The following MAN1A1 variants were observed in gnomAD, a reference collection of about 807,000 sequenced individuals.
MAN1A1 encodes the protein mannosyl-oligosaccharide 1,2-alpha-mannosidase IA.
MAN1A1 carries 29 observed loss-of-function variants against 70.8 expected under a neutral mutation model. That is an observed-to-expected ratio of 0.41 (90% confidence interval 0.31 to 0.56). The LOEUF (loss-of-function observed/expected upper bound fraction) is 0.56, where lower values mean the gene tolerates loss of function less well. MAN1A1 is among the 20% of genes least tolerant of loss of function. MAN1A1 has a pLI of 0.29. For missense variants in MAN1A1, 747 were observed against 841.3 expected, an observed-to-expected ratio of 0.89 and a Z score of 1.39; for synonymous variants, 349 against 330.1, an observed-to-expected ratio of 1.06 and a Z score of -0.62.
At chr6:119,254,598 G>A (rs1775411438) in intron 5 of MAN1A1, among the ~76,000 whole-genome samples, 1 of 152,134 alleles carries the variant, frequency 6.6e-6, no homozygotes, top group African/African-American at 2.4e-5. Flanking sequence ...AAGAGAGTCA[G>A]GTGAAAAATT....
At chr6:119,190,196 G>GT (rs1263299584) in intron 9 of MAN1A1, among the ~76,000 whole-genome samples, 1 of 152,228 alleles carries the variant, frequency 6.6e-6, no homozygotes, top group African/African-American at 2.4e-5. Flanking sequence ...CTGTGCAGCA[G>GT]TAATAGTTGG....
chr6:119,247,935 A>AAAAG (rs1160705585), intron 6 of MAN1A1, among the ~76,000 whole-genome samples: 2 of 152,244 alleles, frequency 1.3e-5, no homozygotes, highest in Non-Finnish European at 2.9e-5. Flanking sequence ...TGCTTTGATG[A>AAAAG]CAATTAAAAG....
intron 11 of MAN1A1, among the ~76,000 whole-genome samples, chr6:119,184,614 T>C: frequency 6.6e-6 from 1 of 151,944 alleles, no homozygotes. Context: ...AGTCACTTCC[T>C]GAGAGTCGAA....
chr6:119,187,694 T>G (rs1347039284), intron 11 of MAN1A1, among the ~76,000 whole-genome samples: 1 of 152,210 alleles, frequency 6.6e-6, no homozygotes, highest in African/African-American at 2.4e-5. Flanking sequence ...TCTTATCCCC[T>G]GAATTCCCTC....
At chr6:119,183,181 G>A (rs1465908636) in intron 11 of MAN1A1, among the ~76,000 whole-genome samples, 2 of 152,158 alleles carry the variant, frequency 1.3e-5, no homozygotes, top group Non-Finnish European at 2.9e-5. Context: ...ATGAGGAGAA[G>A]CATTTAATTA....
chr6:119,326,401 T>C (rs1412002111), intron 2 of MAN1A1, among the ~76,000 whole-genome samples: 1 of 152,192 alleles, frequency 6.6e-6, no homozygotes, highest in South Asian at 2.1e-4. Flanking sequence ...CAGACAATAG[T>C]GGTCCAGAAC....
intron 5 of MAN1A1, among the ~76,000 whole-genome samples, chr6:119,289,169 T>C (rs1344274285): frequency 6.6e-6 from 1 of 151,914 alleles, no homozygotes; most frequent in African/African-American, 2.4e-5. Context: ...AAACATGATG[T>C]ATATTTAGAA....
intron 6 of MAN1A1, among the ~76,000 whole-genome samples, chr6:119,206,257 A>G (rs1582695646): frequency 6.6e-6 from 1 of 152,294 alleles, no homozygotes; most frequent in Admixed American, 6.5e-5. Flanking sequence ...GGCTTGTGGA[A>G]TTCTTGCTTT....
rs545574168 is a variant in MAN1A1, at chr6:119,305,633, T to C, written c.700+1263A>G. On this transcript the variant is annotated intron_variant, in intron 3 of 12. Transcript: ENST00000368468. ...TACTTTTCCCAGCTCTTTCTACCTGTTCTTGCAAACCCTGCAATGCCTTTC... is the reference window on the plus strand; with the variant it reads ...TACTTTTCCCAGCTCTTTCTACCTGCTCTTGCAAACCCTGCAATGCCTTTC... Among the ~76,000 whole-genome samples, 165 of 152,288 alleles carry C rather than the reference T, an allele frequency of 1.1e-3. 3 individuals carry two copies. The highest frequency in any genetic ancestry group is 3.7e-3 in the African/African-American group (152 of 41,564).
intron 5 of MAN1A1, among the ~76,000 whole-genome samples, chr6:119,265,099 TA>T (rs922875705): frequency 3.2e-5 from 3 of 95,164 alleles, no homozygotes; most frequent in Admixed American, 1.0e-4. Context: ...GTGCCTTTTT[TA>T]AATTTTTTTT....
In MAN1A1 at chr6:119,178,167, G is replaced by T. The variant is rs958550152; in HGVS notation, c.*1652C>A. On this transcript the variant is annotated 3_prime_UTR_variant, in exon 13 of 13. Coordinates refer to ENST00000368468, the MANE Select transcript of MAN1A1 (RefSeq NM_005907.4). Reference sequence around the variant, plus strand: ...TATGATATTGAAAAACAGAAAGCAGGTCATAAAGATGGTCCTGTCCGATAA... The same window carrying T: ...TATGATATTGAAAAACAGAAAGCAGTTCATAAAGATGGTCCTGTCCGATAA... 6.6e-6 allele frequency: 1 copy of T among 152,022 alleles called. No individual in the cohort carries two copies. Among genetic ancestry groups the T allele is most frequent in the Admixed American group, 6.6e-5 (1 of 15,256 alleles). The allele number at this position is 152,022 out of a possible 1,614,324, so 9.4% of individuals were successfully genotyped here. A position where few individuals can be genotyped will look rare whatever the true frequency, so the allele number is the denominator to read the frequency against.
At chr6:119,255,413 A>G (rs1775431742) in intron 5 of MAN1A1, among the ~76,000 whole-genome samples, 1 of 152,218 alleles carries the variant, frequency 6.6e-6, no homozygotes, top group Non-Finnish European at 1.5e-5. Flanking sequence ...CAAATAACTA[A>G]ACCCATATAC....
Position 119,349,681 on chromosome 6 carries a change from G to A in MAN1A1, c.-362C>T, listed in dbSNP as rs1367826103. The A allele has an allele frequency of 2.3e-5, 23 of 985,880 alleles. No homozygotes were observed. Among genetic ancestry groups the A allele is most frequent in the Non-Finnish European group, 2.7e-5 (22 of 830,032 alleles). The allele number at this position is 985,880 out of a possible 1,614,324, so 61.1% of individuals were successfully genotyped here. ...GGTCCCGCAGCCCCGGCGCGGCTCA[G>A]GTGGGCGAGCGCGCCGACCTGCGGG... On this transcript the variant is annotated 5_prime_UTR_variant, in exon 1 of 13. Transcript: ENST00000368468.
At chr6:119,223,135 A>G (rs1401550067) in intron 6 of MAN1A1, among the ~76,000 whole-genome samples, 2 of 152,168 alleles carry the variant, frequency 1.3e-5, no homozygotes, top group East Asian at 3.8e-4. Flanking sequence ...TTTTGTGAAC[A>G]AAATTAGTTC....
chr6:119,212,014 G>A (rs919505184), intron 6 of MAN1A1, among the ~76,000 whole-genome samples: 1 of 151,676 alleles, frequency 6.6e-6, no homozygotes, highest in East Asian at 1.9e-4. Flanking sequence ...CTAATTTTTT[G>A]TATTTTTAGC....
intron 12 of MAN1A1, 56 bp downstream of exon 12, chr6:119,180,256 T>C: frequency 8.4e-7 from 1 of 1,184,932 alleles, no homozygotes; most frequent in African/African-American, 1.5e-5. Context: ...TAAAGACATC[T>C]ACAAAGATCT....
intron 6 of MAN1A1, among the ~76,000 whole-genome samples, chr6:119,214,793 A>AC (rs1482378885): frequency 6.6e-6 from 1 of 152,180 alleles, no homozygotes; most frequent in Non-Finnish European, 1.5e-5. Context: ...GGCATGAACT[A>AC]CCACACTTGG....
chr6:119,298,714 A>G (rs1413763089), intron 4 of MAN1A1, among the ~76,000 whole-genome samples: 1 of 151,358 alleles, frequency 6.6e-6, no homozygotes, highest in African/African-American at 2.4e-5. Flanking sequence ...CTCCTGCCTC[A>G]GCCCCCCAAG....
intron 5 of MAN1A1, among the ~76,000 whole-genome samples, chr6:119,288,801 G>C (rs1222825123): frequency 6.6e-6 from 1 of 151,556 alleles, no homozygotes; most frequent in African/African-American, 2.4e-5. Flanking sequence ...TATAACTAAA[G>C]CACTCTACAG....
Sources: gnomAD v4.1 joint callset for allele counts (sites outside exome capture counted in the v4.1 genomes callset) on GRCh38, gnomAD v4.1.1 for gene constraint, MANE v1.5 for transcripts, NCBI Gene and HGNC (gene_info 2026-07-23, HGNC 2026-07-21) for gene names.